Variants in GSE1 observed in about 807,000 individuals in gnomAD.
GSE1 encodes the protein genetic suppressor element 1.
Under a neutral mutation model 112.6 loss-of-function variants are expected in GSE1, and 32 were observed. The observed-to-expected ratio is 0.28, with a 90% CI of 0.21 to 0.38. GSE1 has a LOEUF of 0.38. Ranked by LOEUF, GSE1 falls within the 10% of genes least tolerant of loss-of-function variation. The pLI, the probability that GSE1 is intolerant of heterozygous loss-of-function variation, is 1.00. For missense variants in GSE1, 2,348 were observed against 1,699.2 expected (o/e 1.38, Z -6.71); for synonymous variants, 1,115 against 735.6 (o/e 1.52, Z -8.35).
intron 2 of GSE1, among the ~76,000 whole-genome samples, chr16:85,466,492 G>A (rs986882886): frequency 3.3e-5 from 5 of 152,186 alleles, no homozygotes; most frequent in African/African-American, 9.6e-5. Flanking sequence ...AGCTGAGCTC[G>A]TCGGTCCTGA....
upstream of GSE1, chr16:85,613,284 C>T (rs1388291755): frequency 6.5e-7 from 1 of 1,539,046 alleles, no homozygotes; most frequent in Non-Finnish European, 8.8e-7. Context: ...CCAGCGGGCC[C>T]GAGCTGCCGC....
At chr16:85,494,379 C>A (rs1325792122) in intron 2 of GSE1, among the ~76,000 whole-genome samples, 1 of 152,148 alleles carries the variant, frequency 6.6e-6, no homozygotes, top group African/African-American at 2.4e-5. Flanking sequence ...ACTTGGGGCC[C>A]ACCCTATTCC....
exon 1 of GSE1, chr16:85,556,272 ATAT>A: frequency 1.7e-5 from 17 of 983,466 alleles, no homozygotes; most frequent in South Asian, 4.7e-5. Context: ...CTGGGTTTTA[ATAT>A]TATTTTCCTT....
At chr16:85,629,012 T>C (rs1451632727) in intron 1 of GSE1, among the ~76,000 whole-genome samples, 1 of 152,180 alleles carries the variant, frequency 6.6e-6, no homozygotes, top group Non-Finnish European at 1.5e-5. Context: ...GTCACCTTAG[T>C]GGTGAGCACG....
At chr16:85,308,908 C>T (rs1366011336) in intron 1 of GSE1, among the ~76,000 whole-genome samples, 1 of 147,418 alleles carries the variant, frequency 6.8e-6, no homozygotes, top group African/African-American at 2.5e-5. Flanking sequence ...AGCGACAAGC[C>T]ATTTAGAGTG....
intron 2 of GSE1, among the ~76,000 whole-genome samples, chr16:85,482,278 C>G (rs1038399131): frequency 6.6e-6 from 1 of 152,218 alleles, no homozygotes; most frequent in Non-Finnish European, 1.5e-5. Flanking sequence ...TGGGGGTGCT[C>G]GGATGTGTGC....
chr16:85,553,384 G>T (rs1256691385), upstream of GSE1, among the ~76,000 whole-genome samples: 1 of 151,532 alleles, frequency 6.6e-6, no homozygotes, highest in Non-Finnish European at 1.5e-5. Flanking sequence ...CGCCGGCGCC[G>T]AGGGCCTGGC....
chr16:85,654,545 A>AGGCT, intron 4 of GSE1, 95 bp downstream of exon 4: 1 of 1,080,968 alleles, frequency 9.3e-7, no homozygotes, highest in South Asian at 1.5e-5. Context: ...TGCACAGATG[A>AGGCT]GGCTGTGCCT....
At chr16:85,421,658 G>A (rs1049937783) in intron 2 of GSE1, among the ~76,000 whole-genome samples, 1 of 152,180 alleles carries the variant, frequency 6.6e-6, no homozygotes, top group Non-Finnish European at 1.5e-5. Context: ...CCACCTGGGG[G>A]CGTCGGGGGT....
At chr16:85,196,062 A>C (rs2074920723) in intron 1 of GSE1, among the ~76,000 whole-genome samples, 1 of 152,204 alleles carries the variant, frequency 6.6e-6, no homozygotes, top group African/African-American at 2.4e-5. Flanking sequence ...AAAACATGTG[A>C]GTATTCACGC....
At chr16:85,611,622 C>T, upstream of GSE1, 1 of 396,270 alleles carries the variant, frequency 2.5e-6, no homozygotes, top group Non-Finnish European at 3.4e-6. Context: ...GGCGGGGGGC[C>T]GGCCCGCGTG....
chr16:85,297,173 C>T (rs1046554037), intron 1 of GSE1, among the ~76,000 whole-genome samples: 1 of 152,236 alleles, frequency 6.6e-6, no homozygotes, highest in Admixed American at 6.5e-5. Flanking sequence ...CAGGAGACGG[C>T]GCTTCCTCTT....
At position 85,671,458 on chromosome 16, in the gene GSE1, G is replaced by GAAAA. The variant is rs1455189984; in HGVS notation, c.3519+361_3519+362insAAAA. Among the ~76,000 whole-genome samples the GAAAA allele has an allele frequency of 1.5e-3, 144 of 98,852 alleles. 2 individuals carry two copies. The highest frequency in any genetic ancestry group is 2.1e-3 in the Non-Finnish European group (109 of 50,848). The allele number at this position is 98,852 out of a possible 152,430, so 64.9% of individuals were successfully genotyped here. On this transcript the variant is annotated intron_variant, in intron 15 of 15. Transcript: ENST00000253458. ...CCGTCTCAAAAAAAAAAAAAAAAAA[G>GAAAA]ATCAAAATTTGGACTGCATGCAATG... is the stretch of plus-strand genomic sequence containing the variant.
At chr16:85,190,770 C>G (rs1000481861) in intron 1 of GSE1, among the ~76,000 whole-genome samples, 1 of 152,180 alleles carries the variant, frequency 6.6e-6, no homozygotes, top group African/African-American at 2.4e-5. Flanking sequence ...TTTGAGGGGC[C>G]ATGGGAGGTC....
intron 5 of GSE1, among the ~76,000 whole-genome samples, chr16:85,655,366 G>T (rs1267297500): frequency 2.0e-5 from 3 of 152,208 alleles, no homozygotes; most frequent in Non-Finnish European, 2.9e-5. Flanking sequence ...GAGAAGCTCT[G>T]CCCATCCTTG....
intron 2 of GSE1, among the ~76,000 whole-genome samples, chr16:85,455,557 AG>A (rs1325851801): frequency 6.6e-6 from 1 of 152,206 alleles, no homozygotes; most frequent in African/African-American, 2.4e-5. Flanking sequence ...AGGAAACAGA[AG>A]GGCAAGCAGA....
At chr16:85,421,998 G>T (rs894807851) in intron 2 of GSE1, among the ~76,000 whole-genome samples, 1 of 152,036 alleles carries the variant, frequency 6.6e-6, no homozygotes, top group Admixed American at 6.6e-5. Context: ...CTTTCCGGGG[G>T]CCCCTCTCCC....
In GSE1 at chr16:85,675,685, G is replaced by T. The variant is rs2053639799; in HGVS notation, c.*3146G>T. ...AAAAGTTAAGCTGAATTTCACACCA[G>T]ATCCTACCCCTTTCCCTGAGCCACA... On this transcript the variant is annotated 3_prime_UTR_variant, in exon 16 of 16. Transcript: ENST00000253458. 1 of 152,216 alleles carries T rather than the reference G, an allele frequency of 6.6e-6. No individual in the cohort carries two copies. Among genetic ancestry groups the T allele is most frequent in the Admixed American group, 6.5e-5 (1 of 15,290 alleles). The allele number at this position is 152,216 out of a possible 1,614,324, so 9.4% of individuals were successfully genotyped here.
intron 2 of GSE1, among the ~76,000 whole-genome samples, chr16:85,386,578 C>G (rs1465271356): frequency 2.0e-5 from 3 of 152,220 alleles, no homozygotes; most frequent in Admixed American, 6.5e-5. Context: ...CAGAGCATGG[C>G]TTCTGGTCCC....
Sources: allele counts gnomAD v4.1 joint callset (sites outside exome capture counted in the v4.1 genomes callset), GRCh38; gene constraint gnomAD v4.1.1; transcripts MANE v1.5; gene names NCBI Gene and HGNC (gene_info 2026-07-23, HGNC 2026-07-21).